ADAMTS2: variants seen among roughly 807,000 people sequenced by gnomAD.
ADAMTS2 encodes the protein A disintegrin and metalloproteinase with thrombospondin motifs 2.
ADAMTS2 carries 50 observed loss-of-function variants against 123.0 expected under a neutral mutation model. The ratio of observed to expected loss-of-function variants is 0.41; its 90% CI spans 0.32 to 0.51. ADAMTS2 has a LOEUF of 0.51. ADAMTS2 is among the 20% of genes least tolerant of loss of function. ADAMTS2 has a pLI of 0.35. For missense variants in ADAMTS2, 1,494 were observed against 1,705.2 expected (o/e 0.88, Z 2.18); for synonymous variants, 678 against 695.4 (o/e 0.98, Z 0.39).
chr5:179,311,799 G>A (rs1756840530), intron 2 of ADAMTS2, among the ~76,000 whole-genome samples: 1 of 152,142 alleles, frequency 6.6e-6, no homozygotes, highest in African/African-American at 2.4e-5. Context: ...CGCCCGTGCT[G>A]TATTCGGAGT....
rs60264507 is a variant in ADAMTS2, at chr5:179,288,732, C to T, written c.535-15668G>A. ...TATCCAGAATGCAGGCAGGCTCAGGCGCACCTGCCCTCCCTGGATGCCACT... is the reference window on the plus strand; with the variant it reads ...TATCCAGAATGCAGGCAGGCTCAGGTGCACCTGCCCTCCCTGGATGCCACT... On this transcript the variant is annotated intron_variant, in intron 2 of 21. Transcript: ENST00000251582. 3.9e-3 allele frequency among the ~76,000 whole-genome samples: 599 copies of T among 152,362 alleles called. 5 individuals carry two copies. Among genetic ancestry groups the T allele is most frequent in the African/African-American group, 0.014 (574 of 41,590 alleles).
At chr5:179,146,668 C>T (rs1462489046) in intron 10 of ADAMTS2, among the ~76,000 whole-genome samples, 2 of 152,188 alleles carry the variant, frequency 1.3e-5, no homozygotes, top group Non-Finnish European at 2.9e-5. Flanking sequence ...GTGTCTCTTC[C>T]TCCTAATGAG....
At chr5:179,320,113 T>G (rs1479512434) in intron 2 of ADAMTS2, among the ~76,000 whole-genome samples, 1 of 152,212 alleles carries the variant, frequency 6.6e-6, no homozygotes, top group African/African-American at 2.4e-5. Context: ...GCAGCCTCAC[T>G]GTCCCTGCCC....
intron 13 of ADAMTS2, among the ~76,000 whole-genome samples, chr5:179,133,646 T>C (rs1211329988): frequency 6.6e-6 from 1 of 152,134 alleles, no homozygotes; most frequent in Non-Finnish European, 1.5e-5. Flanking sequence ...TGCATGAATA[T>C]TTATGTTTTC....
chr5:179,171,864 C>T (rs1445408480), intron 5 of ADAMTS2, among the ~76,000 whole-genome samples: 7 of 152,168 alleles, frequency 4.6e-5, no homozygotes, highest in Non-Finnish European at 1.0e-4. Flanking sequence ...GAGGGACCGG[C>T]TGTGTGTTGT....
At chr5:179,276,960 T>G (rs927247725) in intron 2 of ADAMTS2, among the ~76,000 whole-genome samples, 14 of 152,094 alleles carry the variant, frequency 9.2e-5, no homozygotes, top group Non-Finnish European at 2.9e-5. Context: ...GGGGACAGTT[T>G]GGGGTCTCCC....
At chr5:179,320,330 C>A (rs150196394) in intron 2 of ADAMTS2, among the ~76,000 whole-genome samples, 2 of 152,250 alleles carry the variant, frequency 1.3e-5, no homozygotes, top group East Asian at 3.9e-4. Flanking sequence ...TTTTTTGAGA[C>A]GGAGTCTCGC....
chr5:179,207,471 A>ACCCGACCCC, intron 4 of ADAMTS2, 42 bp downstream of exon 4: 1 of 1,026,474 alleles, frequency 9.7e-7, no homozygotes. Flanking sequence ...CCCCTGGTTG[A>ACCCGACCCC]CCCTCCCCGC....
chr5:179,153,103 T>C, intron 9 of ADAMTS2, among the ~76,000 whole-genome samples: 1 of 152,028 alleles, frequency 6.6e-6, no homozygotes, highest in Admixed American at 6.5e-5. Flanking sequence ...CCTGCCGCGC[T>C]CTCCTCCAGG....
At position 179,265,592 on chromosome 5, in the gene ADAMTS2, G is replaced by C. The variant is rs557613676; in HGVS notation, c.688+7319C>G. Among the ~76,000 whole-genome samples the C allele has an allele frequency of 1.3e-4, 20 of 152,330 alleles. No individual in the cohort carries two copies. In the South Asian group the frequency reaches 3.9e-3, roughly 30 times the overall value. On this transcript the variant is annotated intron_variant, in intron 3 of 21. Transcript: ENST00000251582. ...CTCTGAGCAGCAGACTCCAGCCAGAGAGCCAGCCAGGCCCGGGAGCTGGCC... is the reference window on the plus strand; with the variant it reads ...CTCTGAGCAGCAGACTCCAGCCAGACAGCCAGCCAGGCCCGGGAGCTGGCC...
chr5:179,336,583 G>A (rs1010783338), intron 2 of ADAMTS2, among the ~76,000 whole-genome samples: 4 of 152,104 alleles, frequency 2.6e-5, no homozygotes, highest in Non-Finnish European at 5.9e-5. Flanking sequence ...TCTTGGTGGC[G>A]TATAAAGTAA....
At chr5:179,337,362 T>C (rs1757640223) in intron 2 of ADAMTS2, among the ~76,000 whole-genome samples, 1 of 151,814 alleles carries the variant, frequency 6.6e-6, no homozygotes, top group South Asian at 2.1e-4. Flanking sequence ...CACCCTCCCA[T>C]GCAGACACAC....
In ADAMTS2 at chr5:179,314,374, G is replaced by A. The variant is rs553882034; in HGVS notation, c.534+29393C>T. On this transcript the variant is annotated intron_variant, in intron 2 of 21. Transcript: ENST00000251582. This position sits in a 1 kb window ranked among gnomAD's most constrained non-coding sequence, Gnocchi z 4.5. ...GCCGCCAGCTCTGAGCTAAGTGAGC[G>A]CAGAGGAGAGTGCAGGGAGCGGCAA... Among the ~76,000 whole-genome samples the A allele has an allele frequency of 4.5e-4, 68 of 152,356 alleles. No homozygotes were observed. The highest frequency in any genetic ancestry group is 7.6e-4 in the Non-Finnish European group (52 of 68,036).
intron 10 of ADAMTS2, 137 bp from the exon 11 acceptor site, chr5:179,140,172 C>G: frequency 7.7e-7 from 1 of 1,299,760 alleles, no homozygotes; most frequent in Non-Finnish European, 1.1e-6. Flanking sequence ...CCTCCTCGCC[C>G]CTAGATGCTC....
In ADAMTS2 at chr5:179,189,824, G is replaced by A. The variant is rs976169752; in HGVS notation, c.892-8669C>T. 3.4e-5 allele frequency among the ~76,000 whole-genome samples: 5 copies of A among 146,104 alleles called. No individual in the cohort carries two copies. The East Asian group carries it at 1.0e-3, about 31-fold the overall frequency. ...ACTAAGTATCTTCTTAAGTTGGGGG[G>A]AGAGAATATTACAAAGTATCTTCTC... On this transcript the variant is annotated intron_variant, in intron 4 of 21. Coordinates refer to ENST00000251582, the MANE Select transcript of ADAMTS2 (RefSeq NM_014244.5). This position sits in a 1 kb window ranked among gnomAD's most constrained non-coding sequence, Gnocchi z 4.2.
chr5:179,172,223 A>G (rs555443330), intron 5 of ADAMTS2, among the ~76,000 whole-genome samples: 20 of 152,304 alleles, frequency 1.3e-4, no homozygotes, highest in African/African-American at 4.1e-4. Flanking sequence ...TTTGCTGGCT[A>G]TGGATCTCAG....
Position 179,332,960 on chromosome 5 carries a change from G to A in ADAMTS2, c.534+10807C>T, listed in dbSNP as rs759623341. On this transcript the variant is annotated intron_variant, in intron 2 of 21. Transcript: ENST00000251582. This position sits in a 1 kb window ranked among gnomAD's most constrained non-coding sequence, Gnocchi z 4.2. ...AGCCCTGCAGCAAAGGCCAGCTACT[G>A]CCCTGGGAGCCCTCACCCCCTTATC... 6.6e-5 allele frequency among the ~76,000 whole-genome samples: 10 copies of A among 152,168 alleles called. No homozygotes were observed. The highest frequency in any genetic ancestry group is 8.8e-5 in the Non-Finnish European group (6 of 68,018).
At chr5:179,184,284 G>A (rs545929791) in intron 4 of ADAMTS2, among the ~76,000 whole-genome samples, 48 of 152,222 alleles carry the variant, frequency 3.2e-4, no homozygotes, top group East Asian at 2.1e-3. Flanking sequence ...AGGCCAAGGC[G>A]GTGGATCACC....
Position 179,154,033 on chromosome 5 carries a change from C to T in ADAMTS2, c.1382+16G>A, listed in dbSNP as rs748679019. On this transcript the variant is annotated intron_variant, in intron 8 of 21. Coordinates refer to ENST00000251582, the MANE Select transcript of ADAMTS2 (RefSeq NM_014244.5). ...GGACTGAGGGGTCGCCCACGGGGCACATGGGCAGTACTCACTGCAGGTAGC... is the reference window on the plus strand; with the variant it reads ...GGACTGAGGGGTCGCCCACGGGGCATATGGGCAGTACTCACTGCAGGTAGC... 1 of 1,594,510 alleles carries T rather than the reference C, an allele frequency of 6.3e-7. No homozygotes were observed. Among genetic ancestry groups the T allele is most frequent in the South Asian group, 1.1e-5 (1 of 87,772 alleles).
Sources: allele counts gnomAD v4.1 joint callset (sites outside exome capture counted in the v4.1 genomes callset), GRCh38; gene constraint gnomAD v4.1.1; non-coding constraint Gnocchi (gnomAD v3.1); transcripts MANE v1.5; gene names NCBI Gene and HGNC (gene_info 2026-07-23, HGNC 2026-07-21).